Variants in NTM observed in about 807,000 individuals in gnomAD.
The protein encoded by NTM is neurotrimin.
Under a neutral mutation model 42.1 loss-of-function variants are expected in NTM, and 13 were observed. The observed-to-expected ratio is 0.31, with a 90% CI of 0.20 to 0.49. NTM has a LOEUF of 0.49. Ranked by LOEUF, NTM falls within the 20% of genes least tolerant of loss-of-function variation. The probability of loss-of-function intolerance (pLI) is 0.99; values close to 1 mark genes in which losing one functional copy is unlikely to be tolerated. For synonymous variants in NTM, 187 were observed against 179.2 expected, an observed-to-expected ratio of 1.04 and a Z score of -0.35; for missense variants, 373 against 452.8, an observed-to-expected ratio of 0.82 and a Z score of 1.60.
intron 3 of NTM, among the ~76,000 whole-genome samples, chr11:132,200,045 C>G (rs920002709): frequency 2.0e-5 from 3 of 152,160 alleles, no homozygotes; most frequent in Non-Finnish European, 4.4e-5. Flanking sequence ...CTGCCACTCT[C>G]GCTGAGAACT....
chr11:132,091,944 A>G (rs1316840984), intron 2 of NTM, among the ~76,000 whole-genome samples: 1 of 152,222 alleles, frequency 6.6e-6, no homozygotes, highest in Admixed American at 6.5e-5. Flanking sequence ...AAGAAAACAT[A>G]AGTATACCAT....
At chr11:131,564,087 T>C (rs1172662165) in intron 1 of NTM, among the ~76,000 whole-genome samples, 3 of 152,204 alleles carry the variant, frequency 2.0e-5, no homozygotes, top group Admixed American at 6.5e-5. Flanking sequence ...GCAGACATTT[T>C]GTGCAAGGCT....
intron 2 of NTM, among the ~76,000 whole-genome samples, chr11:132,115,172 G>C (rs1428633411): frequency 6.6e-6 from 1 of 152,128 alleles, no homozygotes; most frequent in Non-Finnish European, 1.5e-5. Context: ...GGGAGATGCT[G>C]GTGAACGGGT....
At chr11:131,662,685 A>C (rs973551179) in intron 1 of NTM, among the ~76,000 whole-genome samples, 22 of 152,170 alleles carry the variant, frequency 1.4e-4, no homozygotes, top group Admixed American at 4.6e-4. Flanking sequence ...TCACAGAAGA[A>C]GGGCTGCAAC....
At chr11:131,785,960 C>T (rs1010429041) in intron 1 of NTM, among the ~76,000 whole-genome samples, 3 of 152,208 alleles carry the variant, frequency 2.0e-5, no homozygotes, top group South Asian at 2.1e-4. Flanking sequence ...GCTGTGATGG[C>T]CATATGCTTT....
intron 1 of NTM, among the ~76,000 whole-genome samples, chr11:131,562,155 A>G (rs2056317227): frequency 6.6e-6 from 1 of 152,176 alleles, no homozygotes; most frequent in African/African-American, 2.4e-5. Flanking sequence ...GGATGCAGCC[A>G]GTCAGGCCTG....
intron 4 of NTM, among the ~76,000 whole-genome samples, chr11:132,293,460 C>T (rs371866173): frequency 6.6e-5 from 10 of 152,068 alleles, no homozygotes; most frequent in African/African-American, 2.4e-4. Context: ...GTTGATGATG[C>T]AGGAGAGGTT....
At chr11:131,527,779 G>T (rs1220971080) in intron 1 of NTM, among the ~76,000 whole-genome samples, 3 of 152,208 alleles carry the variant, frequency 2.0e-5, no homozygotes, top group Admixed American at 6.5e-5. Flanking sequence ...ATAGATGAGA[G>T]GCAGGGGTGT....
At chr11:132,206,397 A>G (rs2138567150) in intron 3 of NTM, among the ~76,000 whole-genome samples, 2 of 152,270 alleles carry the variant, frequency 1.3e-5, no homozygotes, top group Admixed American at 1.3e-4. Flanking sequence ...CTGTGTTGAC[A>G]CTGCATATAT....
At chr11:131,464,366 G>A (rs566134976) in intron 1 of NTM, among the ~76,000 whole-genome samples, 18 of 152,020 alleles carry the variant, frequency 1.2e-4, no homozygotes, top group Non-Finnish European at 1.6e-4. Flanking sequence ...AGCTGGGGGG[G>A]GGGCAGCAAC....
At chr11:131,564,839 A>G (rs2056682078) in intron 1 of NTM, among the ~76,000 whole-genome samples, 1 of 151,950 alleles carries the variant, frequency 6.6e-6, no homozygotes, top group Admixed American at 6.6e-5. Context: ...GCTCAGACAC[A>G]TGCTCACATG....
chr11:131,421,548 TATAGGAAGCTACTGC>T (rs772832176), intron 1 of NTM, among the ~76,000 whole-genome samples: 3 of 152,234 alleles, frequency 2.0e-5, no homozygotes, highest in Non-Finnish European at 4.4e-5. Flanking sequence ...AGGACTCATT[TATAGGAAGCTACTGC>T]ATATGCAGTT....
At chr11:132,156,560 G>A (rs1028088021) in intron 3 of NTM, among the ~76,000 whole-genome samples, 3 of 152,150 alleles carry the variant, frequency 2.0e-5, no homozygotes, top group Admixed American at 6.5e-5. Context: ...CTGAGGTCAG[G>A]GGGCCCGTAT....
At chr11:131,553,759 C>T (rs1326719041) in intron 1 of NTM, among the ~76,000 whole-genome samples, 1 of 152,204 alleles carries the variant, frequency 6.6e-6, no homozygotes, top group East Asian at 1.9e-4. Context: ...CAGAGGGACC[C>T]TCCCGAAATG....
rs188156773 is a variant in NTM, at chr11:132,299,196, G to A, written c.527-8493G>A. On this transcript the variant is annotated intron_variant, in intron 4 of 8. Coordinates refer to ENST00000683400, the MANE Select transcript of NTM (RefSeq NM_001352005.2). ...TGTAGTCCCAGCTACTCAGGAGGCT[G>A]AGGCAGGAGAATATTGTGAATCCAG... Among the ~76,000 whole-genome samples the A allele has an allele frequency of 5.9e-3, 897 of 152,296 alleles. 5 individuals are homozygous for A. The highest frequency in any genetic ancestry group is 9.3e-3 in the Non-Finnish European group (631 of 68,040).
At chr11:131,380,264 A>G (rs537377877) in intron 1 of NTM, among the ~76,000 whole-genome samples, 1 of 147,516 alleles carries the variant, frequency 6.8e-6, no homozygotes, top group African/African-American at 2.6e-5. Context: ...TTCAGATGCA[A>G]TGGTGCCATC....
In NTM at chr11:132,095,510, C is replaced by G. The variant is rs909219141; in HGVS notation, c.168-50772C>G. On this transcript the variant is annotated intron_variant, in intron 2 of 8. Transcript: ENST00000683400. The stretch of plus-strand genomic sequence containing the variant: ...ATAGAGAGAAACAGACTTGAAAGCC[C>G]TGAACTGAGAGGGAATTCATTCTGA... Among the ~76,000 whole-genome samples, 3 of 152,166 alleles carry G rather than the reference C, an allele frequency of 2.0e-5. No homozygotes were observed. In the South Asian group the frequency reaches 6.2e-4, roughly 32 times the overall value.
chr11:131,973,303 C>T (rs901544143), intron 2 of NTM, among the ~76,000 whole-genome samples: 1 of 152,204 alleles, frequency 6.6e-6, no homozygotes, highest in African/African-American at 2.4e-5. Flanking sequence ...TAACTCAGGA[C>T]TTTTGGGAAT....
In NTM at chr11:132,222,050, C is replaced by T. The variant is rs74752248; in HGVS notation, c.526+9903C>T. ...CTCACAGCATTCTTACAAATTTACC[C>T]GCACCTGTGTCATCGCGCTGGACTC... is the stretch of plus-strand genomic sequence containing the variant. On this transcript the variant is annotated intron_variant, in intron 4 of 8. Coordinates refer to ENST00000683400, the MANE Select transcript of NTM (RefSeq NM_001352005.2). Among the ~76,000 whole-genome samples the T allele has an allele frequency of 6.4e-3, 980 of 152,248 alleles. 12 individuals carry two copies. Among genetic ancestry groups the T allele is most frequent in the African/African-American group, 0.022 (925 of 41,548 alleles).
Sources: gnomAD v4.1 joint callset for allele counts (sites outside exome capture counted in the v4.1 genomes callset) on GRCh38, gnomAD v4.1.1 for gene constraint, MANE v1.5 for transcripts, NCBI Gene and HGNC (gene_info 2026-07-23, HGNC 2026-07-21) for gene names.